Variants in RBFA observed in about 807,000 individuals in gnomAD.
The protein encoded by RBFA is ribosome binding factor A, also known as putative ribosome-binding factor A, mitochondrial.
Under a neutral mutation model 27.9 loss-of-function variants are expected in RBFA, and 16 were observed. That is an observed-to-expected ratio of 0.57 (90% CI 0.39 to 0.87). RBFA has a LOEUF of 0.87. Ranked by LOEUF, RBFA falls within the 40% of genes least tolerant of loss-of-function variation. RBFA has a pLI of 0.00. For synonymous variants in RBFA, 181 were observed against 181.0 expected, an observed-to-expected ratio of 1.00 and a Z score of 0.00; for missense variants, 456 against 432.1, an observed-to-expected ratio of 1.06 and a Z score of -0.49.
rs1290321815 is a variant in RBFA at position 80,048,819 on chromosome 18, C to CGTCT, written c.*2667_*2668insTGTC. Among the ~76,000 whole-genome samples the CGTCT allele has an allele frequency of 2.0e-5, 3 of 146,636 alleles. No individual in the cohort carries two copies. Among genetic ancestry groups the CGTCT allele is most frequent in the African/African-American group, 5.4e-5 (2 of 37,342 alleles). ...CACGTTTGCAGGGGATCCAACCAGGCGTCAGCTCAGTGCCTCCTAGAAAGT... is the reference window on the plus strand; with the variant it reads ...CACGTTTGCAGGGGATCCAACCAGGCGTCTGTCAGCTCAGTGCCTCCTAGAAAGT... On this transcript the variant is annotated 3_prime_UTR_variant, in exon 7 of 7. Transcript: ENST00000306735.
Position 80,042,023 on chromosome 18 carries a change from G to GC in RBFA, c.492-110dup, listed in dbSNP as rs1272236083. 9.3e-6 allele frequency: 6 copies of GC among 648,286 alleles called. No homozygotes were observed. The East Asian group carries it at 2.1e-4, about 22-fold the overall frequency. The allele number at this position is 648,286 out of a possible 1,614,324, so 40.2% of individuals were successfully genotyped here. On this transcript the variant is annotated intron_variant, in intron 4 of 6. Transcript: ENST00000306735. The stretch of plus-strand genomic sequence containing the variant: ...TTACAGGCGTGAGCCACCGCGCCCG[G>GC]CCTCTCACTCCTGCCTCTTGGTTAC...
In RBFA at chr18:80,046,430, G is replaced by A; in HGVS notation, c.*275G>A. The stretch of plus-strand genomic sequence containing the variant: ...ATAGTGTCTCTGAGATGCTGGCATG[G>A]CCACCTCCACCTGCAGAGCCCTGCC... On this transcript the variant is annotated 3_prime_UTR_variant, in exon 7 of 7. Coordinates refer to ENST00000306735, the MANE Select transcript of RBFA (RefSeq NM_024805.3). 2.5e-6 allele frequency: 1 copy of A among 402,568 alleles called. No individual in the cohort carries two copies. 24.9% of individuals were successfully genotyped at this position (402,568 alleles called of 1,614,324 possible).
chr18:80,041,457 C>T (rs2052015165), intron 4 of RBFA: 1 of 152,182 alleles, frequency 6.6e-6, no homozygotes, highest in Non-Finnish European at 1.5e-5. Context: ...ATCTGGGAAC[C>T]TGAGGGTTGT....
chr18:80,034,751 G>C lies in RBFA; in HGVS notation c.158+98G>C. On this transcript the variant is annotated intron_variant, in intron 1 of 6. Transcript: ENST00000306735. The stretch of plus-strand genomic sequence containing the variant: ...CTCATCCGCGTTCTTGCGCCCATGC[G>C]GCCTAGCTCGCCAGTTCCTGCCTCC... 17 of 1,501,568 alleles carry C rather than the reference G, an allele frequency of 1.1e-5. 1 individual carries two copies. The South Asian group carries it at 1.9e-4, about 17-fold the overall frequency. The allele number at this position is 1,501,568 out of a possible 1,614,324, so 93.0% of individuals were successfully genotyped here.
At position 80,045,719 on chromosome 18, in the gene RBFA, CTG is replaced by C. The variant is rs2052047083; in HGVS notation, c.651-52_651-51del. ...GTGCTGTTGTGTTGTGGCGACGACA[CTG>C]TGGACTAGGGGCATGGTTTGTGCTT... On this transcript the variant is annotated intron_variant, in intron 6 of 6. Transcript: ENST00000306735. The C allele has an allele frequency of 3.4e-6, 5 of 1,481,734 alleles. No individual in the cohort carries two copies. In the South Asian group the frequency reaches 4.5e-5, roughly 13 times the overall value. The allele number at this position is 1,481,734 out of a possible 1,614,324, so 91.8% of individuals were successfully genotyped here.
chr18:80,036,881 T>A (rs555026520), intron 2 of RBFA, among the ~76,000 whole-genome samples, 171 bp downstream of exon 2: 7 of 152,190 alleles, frequency 4.6e-5, no homozygotes, highest in Admixed American at 3.9e-4. Context: ...CAAAAAAAAA[T>A]GTACTGACAT....
intron 1 of RBFA, 47 bp downstream of exon 1, chr18:80,034,700 G>C (rs756185239): frequency 6.3e-7 from 1 of 1,588,688 alleles, no homozygotes; most frequent in Admixed American, 1.8e-5. Context: ...TCCCTAGGGG[G>C]CGGTGTCCCC....
In RBFA at chr18:80,034,434, A is replaced by AGCTGTCGCTCCGCGCCT; in HGVS notation, c.-61_-60insCTGTCGCTCCGCGCCTG. 2 of 1,386,124 alleles carry AGCTGTCGCTCCGCGCCT rather than the reference A, an allele frequency of 1.4e-6. No homozygotes were observed. The highest frequency in any genetic ancestry group is 1.9e-6 in the Non-Finnish European group (2 of 1,070,282). The allele number at this position is 1,386,124 out of a possible 1,614,324, so 85.9% of individuals were successfully genotyped here. ...GCCCACACGCCGCCACCCTCGCGTC[A>AGCTGTCGCTCCGCGCCT]GTTGTCGCTCCGCGCCTGCGCCCGT... On this transcript the variant is annotated 5_prime_UTR_variant, in exon 1 of 7. Transcript: ENST00000306735.
rs754095234 is a variant in RBFA, at chr18:80,045,852, G to A, written c.729G>A (p.Ala243=). ...SSSLCGIDHE[A]LNKQIMEYKR... ...GTCTGTGTGGGATCGATCATGAGGC[G>A]CTCAACAAGCAGATTATGGAGTACA... The change falls in exon 7 of 7, where the codon GCG becomes GCA. Residue 243 remains alanine, a synonymous_variant. Transcript: ENST00000306735. 2.8e-5 allele frequency: 44 copies of A among 1,581,268 alleles called. No individual in the cohort carries two copies. The East Asian group carries it at 4.3e-4, about 15-fold the overall frequency.
intron 2 of RBFA, 178 bp from the exon 3 acceptor site, chr18:80,037,152 A>C: frequency 9.9e-6 from 5 of 506,286 alleles, no homozygotes; most frequent in East Asian, 3.1e-5. Flanking sequence ...GTTACCAGGT[A>C]AAATTTAAAA....
In RBFA at chr18:80,048,468, G is replaced by T. The variant is rs911733331; in HGVS notation, c.*2313G>T. On this transcript the variant is annotated 3_prime_UTR_variant, in exon 7 of 7. Transcript: ENST00000306735. ...TGTTTTATTGTTCTAGCAATTTATT[G>T]TTACAAAACAGATTGCTGCCATCAA... Among the ~76,000 whole-genome samples the T allele has an allele frequency of 6.6e-6, 1 of 152,166 alleles. No individual in the cohort carries two copies. The highest frequency in any genetic ancestry group is 2.4e-5 in the African/African-American group (1 of 41,416).
intron 5 of RBFA, among the ~76,000 whole-genome samples, chr18:80,042,992 C>T (rs1186316013): frequency 6.6e-6 from 1 of 152,186 alleles, no homozygotes; most frequent in African/African-American, 2.4e-5. Context: ...CTGTCTCCCC[C>T]TCCCACCTCT....
rs2051960977 is a variant in RBFA at position 80,034,558 on chromosome 18, C to T, written c.63C>T (p.Ser21=). Reference sequence around the variant, plus strand: ...CGGGTCTCCGGGCCCTGTTCCGTAGCCGCGATGCTGCGCTATTTCCAGGCT... The same window carrying T: ...CGGGTCTCCGGGCCCTGTTCCGTAGTCGCGATGCTGCGCTATTTCCAGGCT... ...SRAGLRALFR[S]RDAALFPGCE... The change falls in exon 1 of 7, where the codon AGC becomes AGT. Residue 21 remains serine (S), a synonymous_variant. Coordinates refer to ENST00000306735, the MANE Select transcript of RBFA (RefSeq NM_024805.3). 1 of 1,608,652 alleles carries T rather than the reference C, an allele frequency of 6.2e-7. No individual in the cohort carries two copies. Among genetic ancestry groups the T allele is most frequent in the Admixed American group, 1.7e-5 (1 of 59,044 alleles).
intron 1 of RBFA, 157 bp downstream of exon 1, chr18:80,034,810 G>T: frequency 1.3e-6 from 1 of 781,120 alleles, no homozygotes; most frequent in Non-Finnish European, 1.9e-6. Flanking sequence ...CTCACTGTCA[G>T]CATTTGCAGC....
At chr18:80,040,148 A>G (rs2052006805) in intron 4 of RBFA, among the ~76,000 whole-genome samples, 1 of 151,156 alleles carries the variant, frequency 6.6e-6, no homozygotes. Context: ...TTAATAAAGT[A>G]CATTTGTTGA....
rs745785446 is a variant in RBFA at position 80,045,954 on chromosome 18, G to C, written c.831G>C (p.Lys277Asn). Residue 277 changes from lysine to asparagine, a missense_variant, in exon 7 of 7, where the codon AAG becomes AAC. Physicochemically the swap from Lys to Asn is moderately conservative, Grantham distance 94. Coordinates refer to ENST00000306735, the MANE Select transcript of RBFA (RefSeq NM_024805.3). ...QVAELTTQMK[K>N]GRKRAKPRLE... The stretch of plus-strand genomic sequence containing the variant: ...CTGAGCTGACAACGCAGATGAAAAA[G>C]GGAAGGAAGAGGGCCAAGCCCCGCC... The C allele has an allele frequency of 1.9e-6, 3 of 1,614,094 alleles. No individual in the cohort carries two copies. In the South Asian group the frequency reaches 3.3e-5, roughly 18 times the overall value.
Position 80,050,038 on chromosome 18 carries a change from A to G in RBFA, c.*3883A>G, listed in dbSNP as rs1388810308. Among the ~76,000 whole-genome samples the G allele has an allele frequency of 2.0e-5, 3 of 152,240 alleles. No individual in the cohort carries two copies. The East Asian group carries it at 5.8e-4, about 29-fold the overall frequency. Reference sequence around the variant, plus strand: ...GGGCCTGAGACCCTCTCTTAGGAATAGAAGTACAGTTTTCTTCCCCACTCC... The same window carrying G: ...GGGCCTGAGACCCTCTCTTAGGAATGGAAGTACAGTTTTCTTCCCCACTCC... On this transcript the variant is annotated 3_prime_UTR_variant, in exon 7 of 7. Transcript: ENST00000306735.
intron 5 of RBFA, among the ~76,000 whole-genome samples, chr18:80,042,523 C>T (rs916958799): frequency 6.6e-6 from 1 of 152,088 alleles, no homozygotes; most frequent in African/African-American, 2.4e-5. Context: ...GTAATCCCAG[C>T]ACTTTGGGAG....
At position 80,036,757 on chromosome 18, in the gene RBFA, G is replaced by T. The variant is rs746566140; in HGVS notation, c.201+47G>T. ...CTTTATAATCTTGATGGGAGTGAGGGTTTAAAAGTTGGCAAAACTCTTACC... is the reference window on the plus strand; with the variant it reads ...CTTTATAATCTTGATGGGAGTGAGGTTTTAAAAGTTGGCAAAACTCTTACC... On this transcript the variant is annotated intron_variant, in intron 2 of 6. Coordinates refer to ENST00000306735, the MANE Select transcript of RBFA (RefSeq NM_024805.3). 33 of 1,470,604 alleles carry T rather than the reference G, an allele frequency of 2.2e-5. 2 individuals are homozygous for T. The South Asian group carries it at 3.2e-4, about 14-fold the overall frequency. 91.1% of individuals were successfully genotyped at this position (1,470,604 alleles called of 1,614,324 possible).
Sources: gnomAD v4.1 joint callset for allele counts (sites outside exome capture counted in the v4.1 genomes callset) on GRCh38, gnomAD v4.1.1 for gene constraint, MANE v1.5 for transcripts, NCBI Gene and HGNC (gene_info 2026-07-23, HGNC 2026-07-21) for gene names.